The following CSMD1 variants were observed in gnomAD, a reference collection of about 807,000 sequenced individuals.
CSMD1 encodes the protein CUB and sushi domain-containing protein 1.
A neutral mutation model predicts 417.5 loss-of-function variants in CSMD1; 213 were observed. The observed-to-expected ratio is 0.51, with a 90% CI of 0.46 to 0.57. CSMD1 has a LOEUF of 0.57. Ranked by LOEUF, CSMD1 falls within the 20% of genes least tolerant of loss-of-function variation. The pLI is 0.00. For synonymous variants in CSMD1, 2,862 were observed against 1,736.8 expected, an observed-to-expected ratio of 1.65 and a Z score of -16.11; for missense variants, 6,923 against 4,529.7, an observed-to-expected ratio of 1.53 and a Z score of -15.17.
chr8:4,289,873 CAAG>C (rs1797266199), intron 3 of CSMD1, among the ~76,000 whole-genome samples: 1 of 152,072 alleles, frequency 6.6e-6, no homozygotes, highest in African/African-American at 2.4e-5. Context: ...TTGCTACAAA[CAAG>C]AAATGAAAAC....
intron 3 of CSMD1, among the ~76,000 whole-genome samples, chr8:4,317,029 C>G (rs1488585637): frequency 6.6e-6 from 1 of 152,124 alleles, no homozygotes; most frequent in African/African-American, 2.4e-5. Flanking sequence ...AAAAACTACA[C>G]TTGTAAACGG....
At chr8:4,059,390 A>G (rs1349712161) in intron 3 of CSMD1, among the ~76,000 whole-genome samples, 1 of 152,192 alleles carries the variant, frequency 6.6e-6, no homozygotes, top group Non-Finnish European at 1.5e-5. Flanking sequence ...GAACTAGAAA[A>G]GCAAGAGCAA....
chr8:4,418,855 A>C (rs1349890225), intron 3 of CSMD1, among the ~76,000 whole-genome samples: 1 of 152,134 alleles, frequency 6.6e-6, no homozygotes, highest in Non-Finnish European at 1.5e-5. Flanking sequence ...CTTATGCACA[A>C]ATGCGGTGGC....
chr8:4,339,464 C>A (rs1032494866), intron 3 of CSMD1, among the ~76,000 whole-genome samples: 2 of 152,014 alleles, frequency 1.3e-5, no homozygotes, highest in Non-Finnish European at 2.9e-5. Flanking sequence ...ACAAAGCTAC[C>A]GCGAAATGAG....
intron 10 of CSMD1, among the ~76,000 whole-genome samples, chr8:3,542,529 G>A (rs1798483957): frequency 6.6e-6 from 1 of 152,134 alleles, no homozygotes; most frequent in Admixed American, 6.5e-5. Context: ...GTCAGATGCT[G>A]GCAGGGACTG....
intron 3 of CSMD1, among the ~76,000 whole-genome samples, chr8:4,372,241 G>T (rs1024635839): frequency 6.6e-6 from 1 of 152,136 alleles, no homozygotes; most frequent in Non-Finnish European, 1.5e-5. Flanking sequence ...AACTTTATAT[G>T]AAGTAAAGAT....
chr8:4,297,492 G>A (rs1253930101), intron 3 of CSMD1, among the ~76,000 whole-genome samples: 1 of 152,130 alleles, frequency 6.6e-6, no homozygotes, highest in African/African-American at 2.4e-5. Flanking sequence ...GTTAACCAAA[G>A]TTACATTCAG....
At chr8:3,448,381 G>A (rs1161104814) in intron 12 of CSMD1, among the ~76,000 whole-genome samples, 1 of 116,340 alleles carries the variant, frequency 8.6e-6, no homozygotes. Context: ...AAGGGAGGGG[G>A]AGGAGGGAGG....
At chr8:3,039,900 G>A (rs1187838900) in intron 50 of CSMD1, among the ~76,000 whole-genome samples, 1 of 152,094 alleles carries the variant, frequency 6.6e-6, no homozygotes, top group African/African-American at 2.4e-5. Flanking sequence ...AACCAAACGT[G>A]TTCCTCTTCT....
At chr8:3,036,048 T>A (rs1272369811) in intron 50 of CSMD1, among the ~76,000 whole-genome samples, 1 of 152,148 alleles carries the variant, frequency 6.6e-6, no homozygotes, top group Non-Finnish European at 1.5e-5. Flanking sequence ...CAAATCCAGA[T>A]CAGTTGAAAG....
chr8:4,205,429 A>G (rs572238288), intron 3 of CSMD1, among the ~76,000 whole-genome samples: 4 of 152,326 alleles, frequency 2.6e-5, no homozygotes, highest in East Asian at 3.9e-4. Context: ...CACCAAACTG[A>G]TATTTATTTC....
At chr8:3,631,813 G>C (rs1203635484) in intron 7 of CSMD1, among the ~76,000 whole-genome samples, 1 of 152,088 alleles carries the variant, frequency 6.6e-6, no homozygotes, top group African/African-American at 2.4e-5. Context: ...GGCACTAACA[G>C]GTCAACAAGT....
chr8:3,873,442 C>G (rs1453429281), intron 5 of CSMD1, among the ~76,000 whole-genome samples: 1 of 152,030 alleles, frequency 6.6e-6, no homozygotes, highest in East Asian at 1.9e-4. Flanking sequence ...CTTTAGCAAA[C>G]TAACACAGCA....
intron 12 of CSMD1, among the ~76,000 whole-genome samples, chr8:3,445,484 A>G (rs1815240642): frequency 1.3e-5 from 2 of 152,190 alleles, no homozygotes; most frequent in Admixed American, 1.3e-4. Context: ...GCTCGAGCAG[A>G]TGGAACCAAG....
At chr8:3,699,467 G>A (rs560155636) in intron 7 of CSMD1, among the ~76,000 whole-genome samples, 2 of 152,182 alleles carry the variant, frequency 1.3e-5, no homozygotes, top group African/African-American at 4.8e-5. Context: ...TTTCAGCCAC[G>A]GAGGAAGTCC....
chr8:3,959,662 G>A (rs1184213754), intron 5 of CSMD1, among the ~76,000 whole-genome samples: 1 of 152,104 alleles, frequency 6.6e-6, no homozygotes, highest in Non-Finnish European at 1.5e-5. Context: ...TCTCTTATTT[G>A]ACTTATGTCC....
chr8:4,579,284 T>C (rs1799296120), intron 2 of CSMD1, among the ~76,000 whole-genome samples: 1 of 151,256 alleles, frequency 6.6e-6, no homozygotes, highest in South Asian at 2.1e-4. Context: ...TATATGTATA[T>C]ATATAAAAAA....
intron 3 of CSMD1, among the ~76,000 whole-genome samples, chr8:4,187,793 GTAT>G (rs1305970046): frequency 2.0e-5 from 3 of 151,704 alleles, no homozygotes; most frequent in Non-Finnish European, 2.9e-5. Flanking sequence ...AAATAGGCAG[GTAT>G]TATTATTATT....
chr8:4,445,971 T>G (rs1388015381), intron 2 of CSMD1, among the ~76,000 whole-genome samples: 1 of 152,076 alleles, frequency 6.6e-6, no homozygotes, highest in Non-Finnish European at 1.5e-5. Flanking sequence ...GACGAAAGGA[T>G]AGCAACAATG....
Sources: allele counts gnomAD v4.1 joint callset (sites outside exome capture counted in the v4.1 genomes callset), GRCh38; gene constraint gnomAD v4.1.1; transcripts MANE v1.5; gene names NCBI Gene and HGNC (gene_info 2026-07-23, HGNC 2026-07-21).